GALNTL6: variants seen among roughly 807,000 people sequenced by gnomAD.
The protein encoded by GALNTL6 is polypeptide N-acetylgalactosaminyltransferase-like 6.
A neutral mutation model predicts 73.7 loss-of-function variants in GALNTL6; 46 were observed. The observed-to-expected ratio is 0.62, with a 90% confidence interval of 0.49 to 0.80. The LOEUF (loss-of-function observed/expected upper bound fraction) is 0.80, where lower values mean the gene tolerates loss of function less well. GALNTL6 is among the 30% of genes least tolerant of loss of function. The probability of loss-of-function intolerance (pLI) is 0.00; values close to 1 mark genes in which losing one functional copy is unlikely to be tolerated. For synonymous variants in GALNTL6, 259 were observed against 263.7 expected (o/e 0.98, Z 0.17); for missense variants, 604 against 755.0 (o/e 0.80, Z 2.34).
At chr4:172,273,553 CAG>C in intron 3 of GALNTL6, among the ~76,000 whole-genome samples, 1 of 152,196 alleles carries the variant, frequency 6.6e-6, no homozygotes, top group Non-Finnish European at 1.5e-5. Context: ...ACAATGGAAA[CAG>C]AAAAGAGAAG....
intron 5 of GALNTL6, among the ~76,000 whole-genome samples, chr4:172,412,306 T>C (rs932313338): frequency 6.6e-6 from 1 of 152,170 alleles, no homozygotes; most frequent in African/African-American, 2.4e-5. Context: ...CCTCCCAAAG[T>C]GCTGGGATTA....
chr4:172,652,414 T>A (rs931086710), intron 5 of GALNTL6, among the ~76,000 whole-genome samples: 3 of 152,186 alleles, frequency 2.0e-5, no homozygotes, highest in African/African-American at 7.2e-5. Flanking sequence ...AACAGAACTA[T>A]TTCCAAGGAA....
intron 2 of GALNTL6, among the ~76,000 whole-genome samples, chr4:171,846,329 T>C (rs1735366542): frequency 6.6e-6 from 1 of 152,172 alleles, no homozygotes; most frequent in African/African-American, 2.4e-5. Context: ...ATGCACCTGT[T>C]CCCCATGTAA....
At chr4:171,822,599 C>A (rs573783) in intron 2 of GALNTL6, among the ~76,000 whole-genome samples, 105,575 of 152,022 alleles carry the variant, frequency 0.69, 38,915 homozygotes, top group Admixed American at 0.83. Flanking sequence ...TAGTAAATAA[C>A]CTTAAATATT....
chr4:172,764,405 A>G (rs139744778), intron 5 of GALNTL6, among the ~76,000 whole-genome samples: 1 of 152,290 alleles, frequency 6.6e-6, no homozygotes, highest in African/African-American at 2.4e-5. Context: ...AATAATTTTC[A>G]TGCTAGAATC....
At chr4:172,311,862 T>G (rs1025934157) in intron 4 of GALNTL6, 110 bp downstream of exon 4, 1 of 740,752 alleles carries the variant, frequency 1.3e-6, no homozygotes, top group African/African-American at 1.8e-5. Context: ...TATTTTATCC[T>G]AATAATTTTG....
intron 3 of GALNTL6, among the ~76,000 whole-genome samples, chr4:172,272,747 G>T (rs373775689): frequency 3.3e-5 from 5 of 152,068 alleles, no homozygotes; most frequent in Admixed American, 3.3e-4. Flanking sequence ...GATATATTTC[G>T]AATGGAAAAA....
chr4:172,775,008 C>A (rs142677070), intron 5 of GALNTL6, among the ~76,000 whole-genome samples: 9 of 136,548 alleles, frequency 6.6e-5, no homozygotes, highest in Admixed American at 5.6e-4. Flanking sequence ...TAATAAAATC[C>A]AGAAGATAAG....
At chr4:171,816,882 G>T (rs1734539213) in intron 2 of GALNTL6, among the ~76,000 whole-genome samples, 1 of 151,774 alleles carries the variant, frequency 6.6e-6, no homozygotes. Context: ...ATTGATATTG[G>T]AACAAATAAA....
intron 5 of GALNTL6, among the ~76,000 whole-genome samples, chr4:172,709,763 T>C (rs1734578921): frequency 6.6e-6 from 1 of 152,094 alleles, no homozygotes. Flanking sequence ...AATTACAAAG[T>C]TAAATGTTAA....
At chr4:172,589,795 A>G (rs1471408796) in intron 5 of GALNTL6, among the ~76,000 whole-genome samples, 2 of 152,176 alleles carry the variant, frequency 1.3e-5, no homozygotes, top group Non-Finnish European at 2.9e-5. Flanking sequence ...GTTCTGTTTT[A>G]TTAACTCTGA....
intron 5 of GALNTL6, among the ~76,000 whole-genome samples, chr4:172,789,233 A>T (rs574050499): frequency 9.4e-4 from 143 of 152,264 alleles, no homozygotes; most frequent in Non-Finnish European, 1.9e-3. Context: ...TGGAGTTCCC[A>T]TGACCCCCTC....
At chr4:172,603,975 T>C (rs1029324765) in intron 5 of GALNTL6, among the ~76,000 whole-genome samples, 2 of 152,210 alleles carry the variant, frequency 1.3e-5, no homozygotes, top group South Asian at 2.1e-4. Flanking sequence ...TGTAAATATA[T>C]GCCATTCTTT....
rs547721750 is a variant in GALNTL6, at chr4:171,868,658, C to A, written c.138+53940C>A. ...TGGAACACAGGATTCTTGAATCGAG[C>A]CTTCTCCTCAGTAACTGAACATTCT... On this transcript the variant is annotated intron_variant, in intron 2 of 12. Transcript: ENST00000506823. Among the ~76,000 whole-genome samples, 6 of 152,202 alleles carry A rather than the reference C, an allele frequency of 3.9e-5. No individual in the cohort carries two copies. The South Asian group carries it at 8.3e-4, about 21-fold the overall frequency.
At chr4:172,462,072 T>G (rs1203474136) in intron 5 of GALNTL6, among the ~76,000 whole-genome samples, 1 of 152,156 alleles carries the variant, frequency 6.6e-6, no homozygotes, top group Non-Finnish European at 1.5e-5. Context: ...ATATTGGTGC[T>G]CCTGGTTCTA....
chr4:172,484,445 A>G (rs965437279), intron 5 of GALNTL6, among the ~76,000 whole-genome samples: 29 of 152,206 alleles, frequency 1.9e-4, no homozygotes, highest in African/African-American at 6.8e-4. Flanking sequence ...ATGATGTGCT[A>G]TTGACTGAAA....
At chr4:172,913,355 C>T (rs778605851) in intron 8 of GALNTL6, among the ~76,000 whole-genome samples, 10 of 152,170 alleles carry the variant, frequency 6.6e-5, no homozygotes, top group East Asian at 1.9e-4. Context: ...CGCAGCTCCT[C>T]GCCAGCAACA....
At chr4:172,690,232 C>T (rs1733185253) in intron 5 of GALNTL6, among the ~76,000 whole-genome samples, 1 of 152,026 alleles carries the variant, frequency 6.6e-6, no homozygotes, top group Admixed American at 6.6e-5. Context: ...CATAATGAAA[C>T]TTTTTAAAAA....
intron 2 of GALNTL6, among the ~76,000 whole-genome samples, chr4:171,868,523 C>T (rs1736034481): frequency 6.6e-6 from 1 of 152,136 alleles, no homozygotes; most frequent in African/African-American, 2.4e-5. Flanking sequence ...AAATGCAGGA[C>T]TTGACACAAA....
Sources: allele counts gnomAD v4.1 joint callset (sites outside exome capture counted in the v4.1 genomes callset), GRCh38; gene constraint gnomAD v4.1.1; transcripts MANE v1.5; gene names NCBI Gene and HGNC (gene_info 2026-07-23, HGNC 2026-07-21).